The following CACNA1F variants were observed in gnomAD, a reference collection of about 807,000 sequenced individuals.
CACNA1F encodes the protein calcium voltage-gated channel subunit alpha1 F, also known as voltage-dependent L-type calcium channel subunit alpha-1F.
A neutral mutation model predicts 143.8 loss-of-function variants in CACNA1F; 59 were observed. That is an observed-to-expected ratio of 0.41 (90% confidence interval 0.33 to 0.51). The LOEUF (loss-of-function observed/expected upper bound fraction) is 0.51. Ranked by LOEUF, CACNA1F falls within the 20% of genes least tolerant of loss-of-function variation. The pLI is 0.22. For synonymous variants in CACNA1F, 643 were observed against 649.1 expected, an observed-to-expected ratio of 0.99 and a Z score of 0.14; for missense variants, 1,411 against 1,647.5, an observed-to-expected ratio of 0.86 and a Z score of 2.48.
chrX:49,209,281 T>A lies in CACNA1F; in HGVS notation c.4934A>T (p.Lys1645Met), dbSNP rs956965727. 4 of 1,198,561 alleles carry A rather than the reference T, an allele frequency of 3.3e-6. No individual in the cohort carries two copies. Among genetic ancestry groups the A allele is most frequent in the Non-Finnish European group, 4.5e-6 (4 of 886,536 alleles). ...GQEGVEEEDEKDLETNKATMV... is the reference protein window; with the variant it reads ...GQEGVEEEDEMDLETNKATMV... Reference sequence around the variant, plus strand: ...CCCCACTTTGTTAGTTTCCAAGTCCTTTTCATCTTCCTCCTCCACTCCCTC... The same window carrying A: ...CCCCACTTTGTTAGTTTCCAAGTCCATTTCATCTTCCTCCTCCACTCCCTC... The change falls in exon 42 of 48, where the codon AAG (lysine) becomes ATG (methionine). Residue 1645 changes from lysine (K) to methionine (M), a missense_variant. Physicochemically the swap from Lys to Met is moderately conservative, Grantham distance 95. Around this residue, in one of 3 missense-constraint regions of CACNA1F, gnomAD observed 349 missense variants for 350.2 expected, o/e 1.00. Transcript: ENST00000323022.
intron 36 of CACNA1F, 84 bp downstream of exon 36, chrX:49,211,238 T>A: frequency 1.8e-6 from 2 of 1,130,022 alleles, no homozygotes; most frequent in Non-Finnish European, 2.4e-6. Context: ...ACTATGAAGA[T>A]CTGGGCTGCC....
chrX:49,210,134 C>T, intron 39 of CACNA1F, 92 bp from the exon 40 acceptor site: 1 of 723,387 alleles, frequency 1.4e-6, no homozygotes, highest in Admixed American at 2.2e-5. Context: ...TCACAAGCTG[C>T]TACCGCAGAT....
chrX:49,219,686 C>T lies in CACNA1F; in HGVS notation c.2491G>A (p.Val831Met), dbSNP rs1306870328. The T allele has an allele frequency of 8.3e-7, 1 of 1,204,615 alleles. No homozygotes were observed. Among genetic ancestry groups the T allele is most frequent in the Non-Finnish European group, 1.1e-6 (1 of 892,016 alleles). ...LLQEVVPKEK[V>M]VPIPEGSAFF... Reference sequence around the variant, plus strand: ...GCGCTGCCCTCAGGGATGGGTACCACCTTCTCCTTGGGTACAACTTCCTGC... The same window carrying T: ...GCGCTGCCCTCAGGGATGGGTACCATCTTCTCCTTGGGTACAACTTCCTGC... The change falls in exon 20 of 48, where the codon GTG (valine) becomes ATG (methionine). Residue 831 changes from valine to methionine, a missense_variant. This residue lies in a region of CACNA1F where 950 missense variants were observed against 1,128.1 expected (regional missense o/e 0.84). Coordinates refer to ENST00000323022, the MANE Select transcript of CACNA1F (RefSeq NM_001256789.3).
At chrX:49,217,717 T>A (rs1187444953) in intron 26 of CACNA1F, 38 bp downstream of exon 26, 1 of 1,148,052 alleles carries the variant, frequency 8.7e-7, no homozygotes, top group Non-Finnish European at 1.2e-6. Flanking sequence ...TTGGGAGGGG[T>A]CCTGAGCTCC....
chrX:49,209,329 T>G lies in CACNA1F; in HGVS notation c.4886A>C (p.Glu1629Ala), dbSNP rs376524533. 1.8e-5 allele frequency: 22 copies of G among 1,203,331 alleles called. No individual in the cohort carries two copies. In the African/African-American group the frequency reaches 2.6e-4, roughly 14 times the overall value. The change falls in exon 42 of 48, where the codon GAG becomes GCG. Residue 1629 changes from glutamate to alanine, a missense_variant. By Grantham distance (107) the Glu-to-Ala change is moderately radical (BLOSUM62 -1). Transcript: ENST00000323022. Reference protein sequence around the residue: ...EMRQALTCDTEEEEEEGQEGV... With the variant: ...EMRQALTCDTAEEEEEGQEGV... ...CTCCTGCCCCTCTTCTTCCTCCTCC[T>G]CTGTGTCACAGGTGAGGGCCTGCCG... is the stretch of plus-strand genomic sequence containing the variant.
chrX:49,205,203 C>T lies in CACNA1F; in HGVS notation c.5835G>A (p.Glu1945=). 2.5e-6 allele frequency: 3 copies of T among 1,210,895 alleles called. No homozygotes were observed. The highest frequency in any genetic ancestry group is 3.5e-5 in the South Asian group (2 of 56,919). The change falls in exon 48 of 48, where the codon GAG becomes GAA. Residue 1945 remains glutamate (E), a synonymous_variant. Transcript: ENST00000323022. ...CCTCATCGAAGCGGGAGAGGATGGA[C>T]TCCTCGTCGCTATAGAGAGAGCTGG... ...QGTSSLYSDE[E]SILSRFDEED...
In CACNA1F at chrX:49,214,194, C is replaced by A; in HGVS notation, c.3673G>T (p.Glu1225Ter). ...AAGGCGATGATTTTGAGCACCATCT[C>A]AATAGTGAAGAGGCCAGTGAAGACC... is the stretch of plus-strand genomic sequence containing the variant. The part of the protein sequence containing the change: ...NMVFTGLFTI[E>*]MVLKIIAFKP... Residue 1225 changes from glutamate (E) to a stop codon, truncating the protein, a stop_gained, in exon 30 of 48, where the codon GAG becomes TAG. Transcript: ENST00000323022. LOFTEE classifies it high-confidence loss of function. 8.3e-7 allele frequency: 1 copy of A among 1,205,620 alleles called. No individual in the cohort carries two copies. The highest frequency in any genetic ancestry group is 1.7e-5 in the African/African-American group (1 of 57,782).
intron 2 of CACNA1F, 133 bp downstream of exon 2, chrX:49,231,544 TG>T: frequency 2.3e-6 from 2 of 873,786 alleles, no homozygotes; most frequent in Non-Finnish European, 3.3e-6. Context: ...TTTCTGAACC[TG>T]CCCCCCAACC....
chrX:49,229,478 T>A (rs2147923006), intron 6 of CACNA1F, among the ~76,000 whole-genome samples: 1 of 112,024 alleles, frequency 8.9e-6, no homozygotes, highest in Non-Finnish European at 1.9e-5. Flanking sequence ...TTTTTAAAAT[T>A]GTTTTTGTTA....
intron 6 of CACNA1F, 147 bp downstream of exon 6, chrX:49,230,073 A>G: frequency 2.1e-6 from 1 of 483,475 alleles, no homozygotes; most frequent in East Asian, 3.7e-5. Flanking sequence ...AGTCTTGAAT[A>G]TATGGGTGGG....
In CACNA1F at chrX:49,205,464, G is replaced by A. The variant is rs1232689418; in HGVS notation, c.5671-97C>T. The A allele has an allele frequency of 1.3e-5, 11 of 830,550 alleles. No individual in the cohort carries two copies. The African/African-American group carries it at 1.6e-4, about 12-fold the overall frequency. The allele number at this position is 830,550 out of a possible 1,213,427, so 68.4% of individuals were successfully genotyped here. The stretch of plus-strand genomic sequence containing the variant: ...CGTGCCCATGAGGGCATGTAGGGAA[G>A]TCAGTGGGGGACAGGGGTGAGCAGA... On this transcript the variant is annotated intron_variant, in intron 47 of 47. Transcript: ENST00000323022.
At chrX:49,210,152 GC>G (rs1557105856) in intron 39 of CACNA1F, 110 bp from the exon 40 acceptor site, 2 of 671,844 alleles carry the variant, frequency 3.0e-6, no homozygotes, top group Non-Finnish European at 4.9e-6. Context: ...GATGCACACC[GC>G]CCCCATTGGA....
rs1602630233 is a variant in CACNA1F at position 49,212,441 on chromosome X, T to G, written c.3943-133A>C. 4.9e-6 allele frequency: 3 copies of G among 612,404 alleles called. No individual in the cohort carries two copies. In the East Asian group the frequency reaches 1.1e-4, roughly 21 times the overall value. 50.5% of individuals were successfully genotyped at this position (612,404 alleles called of 1,213,427 possible). A position where few individuals can be genotyped will look rare whatever the true frequency, so the allele number is the denominator to read the frequency against. On this transcript the variant is annotated intron_variant, in intron 33 of 47. Coordinates refer to ENST00000323022, the MANE Select transcript of CACNA1F (RefSeq NM_001256789.3). ...AGTCCATCTCCAAAGTGCCAAGGACTGTGGTGTCTCTCAAATGTGAACATA... is the reference window on the plus strand; with the variant it reads ...AGTCCATCTCCAAAGTGCCAAGGACGGTGGTGTCTCTCAAATGTGAACATA...
Position 49,219,662 on chromosome X carries a change from C to T in CACNA1F, c.2515G>A (p.Ala839Thr), listed in dbSNP as rs1557108386. The T allele has an allele frequency of 2.5e-6, 3 of 1,205,441 alleles. No homozygotes were observed. The highest frequency in any genetic ancestry group is 3.0e-5 in the East Asian group (1 of 33,536). ...TTGGTTTGGCTGAGGCAGAAGAAGG[C>T]GCTGCCCTCAGGGATGGGTACCACC... ...EKVVPIPEGS[A>T]FFCLSQTNPL... The change falls in exon 20 of 48, where the codon GCC (alanine) becomes ACC (threonine). Residue 839 changes from alanine (A) to threonine (T), a missense_variant. Physicochemically the swap from Ala to Thr is moderately conservative, Grantham distance 58. Coordinates refer to ENST00000323022, the MANE Select transcript of CACNA1F (RefSeq NM_001256789.3).
intron 18 of CACNA1F, 140 bp downstream of exon 18, chrX:49,220,895 C>A: frequency 1.8e-6 from 1 of 563,134 alleles, no homozygotes; most frequent in South Asian, 2.5e-5. Flanking sequence ...GCCGAGATGG[C>A]ACAACTGCAC....
In CACNA1F at chrX:49,211,325, G is replaced by C; in HGVS notation, c.4257C>G (p.Phe1419Leu). 8.3e-7 allele frequency: 1 copy of C among 1,211,368 alleles called. No homozygotes were observed. The highest frequency in any genetic ancestry group is 1.8e-5 in the South Asian group (1 of 56,989). ...YFISFFMLCAFLIINLFVAVI... is the reference protein window; with the variant it reads ...YFISFFMLCALLIINLFVAVI... ...GTTGTGAGGAAATGGTTCTCACCAG[G>C]AAGGCACAGAGCATGAAGAAGCTGA... Residue 1419 changes from phenylalanine (F) to leucine (L), a missense_variant, in exon 36 of 48, where the codon TTC becomes TTG. By Grantham distance (22) the Phe-to-Leu change is conservative. Coordinates refer to ENST00000323022, the MANE Select transcript of CACNA1F (RefSeq NM_001256789.3).
In CACNA1F at chrX:49,223,046, G is replaced by A; in HGVS notation, c.1968C>T (p.Ile656=). The part of the protein sequence containing the change: ...ASLLLLLFLF[I]IIFSLLGMQL... ...GCATGCCAAGCAGGGAGAAGATAAT[G>A]ATGAAGAGGAAGAGGAGAAGCAGCA... is the stretch of plus-strand genomic sequence containing the variant. Residue 656 remains isoleucine, a synonymous_variant, in exon 15 of 48, where the codon ATC becomes ATT. Coordinates refer to ENST00000323022, the MANE Select transcript of CACNA1F (RefSeq NM_001256789.3). 8.3e-7 allele frequency: 1 copy of A among 1,200,778 alleles called. No homozygotes were observed.
At chrX:49,225,038 T>TGTG (rs1569528421) in intron 13 of CACNA1F, 52 bp from the exon 14 acceptor site, 1 of 861,368 alleles carries the variant, frequency 1.2e-6, no homozygotes. Flanking sequence ...TGTGGTGACA[T>TGTG]GTGGGGAGGT....
Position 49,209,638 on chromosome X carries a change from G to C in CACNA1F, c.4812C>G (p.Ser1604=), listed in dbSNP as rs368972015. ...GCCCTGCCCCGAAGACCTGAAGGGC[G>C]GAAGAGGTGCTAGGGGCGGCGTCGT... The part of the protein sequence containing the change: ...LGNDAAPSTS[S]ALQAGLRSLQ... The change falls in exon 41 of 48, where the codon TCC becomes TCG. Residue 1604 remains serine, a synonymous_variant. Coordinates refer to ENST00000323022, the MANE Select transcript of CACNA1F (RefSeq NM_001256789.3). 1.7e-6 allele frequency: 2 copies of C among 1,211,352 alleles called. No homozygotes were observed. The highest frequency in any genetic ancestry group is 2.2e-6 in the Non-Finnish European group (2 of 895,098).
Sources: gnomAD v4.1 joint callset for allele counts (sites outside exome capture counted in the v4.1 genomes callset) on GRCh38, gnomAD v4.1.1 for gene constraint, gnomAD v4.1.1 regional missense constraint, MANE v1.5 for transcripts, NCBI Gene and HGNC (gene_info 2026-07-23, HGNC 2026-07-21) for gene names.